Variants in TENM4 observed in about 807,000 individuals in gnomAD.
TENM4 encodes the protein teneurin transmembrane protein 4, also known as teneurin-4.
Under a neutral mutation model 243.3 loss-of-function variants are expected in TENM4, and 82 were observed. The ratio of observed to expected loss-of-function variants is 0.34; its 90% CI spans 0.28 to 0.40. The LOEUF (loss-of-function observed/expected upper bound fraction) is 0.40. Among genes scored for constraint, TENM4 ranks in the 10% least tolerant of loss-of-function variants. The pLI is 1.00. For missense variants in TENM4, 3,138 were observed against 3,673.3 expected, an observed-to-expected ratio of 0.85 and a Z score of 3.77; for synonymous variants, 1,412 against 1,456.3, an observed-to-expected ratio of 0.97 and a Z score of 0.69.
At position 78,851,274 on chromosome 11, in the gene TENM4, G is replaced by A. The variant is rs377055490; in HGVS notation, c.1681+2830C>T. 4.7e-4 allele frequency among the ~76,000 whole-genome samples: 72 copies of A among 152,266 alleles called. 1 individual carries two copies. The South Asian group carries it at 0.014, about 30-fold the overall frequency. On this transcript the variant is annotated intron_variant, in intron 12 of 33. Transcript: ENST00000278550. ...TGGTTCACTCAAGTCTGAGAAGCAC[G>A]GTATGACCTATTGGCCCTAAAATAC...
intron 6 of TENM4, among the ~76,000 whole-genome samples, chr11:79,033,798 T>C (rs989437083): frequency 2.6e-5 from 4 of 152,230 alleles, no homozygotes; most frequent in Non-Finnish European, 4.4e-5. Flanking sequence ...TTGATTTGAT[T>C]TGTGAACTTA....
chr11:79,130,128 A>G (rs1861970652), intron 4 of TENM4, among the ~76,000 whole-genome samples: 1 of 152,142 alleles, frequency 6.6e-6, no homozygotes, highest in South Asian at 2.1e-4. Flanking sequence ...TAGACCCAGA[A>G]GAGAGACAAC....
At chr11:78,699,308 G>C (rs780749585) in intron 28 of TENM4, among the ~76,000 whole-genome samples, 2 of 152,214 alleles carry the variant, frequency 1.3e-5, no homozygotes, top group African/African-American at 2.4e-5. Context: ...GAATGTAGGT[G>C]ACCCTAGCCA....
chr11:79,014,366 A>G (rs1391929427), intron 6 of TENM4, among the ~76,000 whole-genome samples: 6 of 152,216 alleles, frequency 3.9e-5, no homozygotes, highest in Non-Finnish European at 4.4e-5. Flanking sequence ...CAGGGGTAGG[A>G]GAGGCCACCG....
At chr11:78,919,846 A>T (rs61118809) in intron 6 of TENM4, among the ~76,000 whole-genome samples, 17,392 of 151,990 alleles carry the variant, frequency 0.11, 1,264 homozygotes, top group African/African-American at 0.21. Flanking sequence ...TGCCTTTCCT[A>T]GACCCTCCTC....
Position 78,712,583 on chromosome 11 carries a change from G to C in TENM4, c.3953C>G (p.Ser1318Cys). ...TVVVKDLVKN[S>C]EVVAGTGDQC... ...GTCACCTGTCCCCGCAACCACCTCA[G>C]AGTTCTTGACAAGGTCCTTCACCAC... is the stretch of plus-strand genomic sequence containing the variant. Residue 1318 changes from serine (S) to cysteine (C), a missense_variant, in exon 26 of 34, where the codon TCT becomes TGT. This residue lies in a region of TENM4 where 2,467 missense variants were observed against 3,059.1 expected (regional missense o/e 0.81). Coordinates refer to ENST00000278550, the MANE Select transcript of TENM4 (RefSeq NM_001098816.3). 1 of 1,613,954 alleles carries C rather than the reference G, an allele frequency of 6.2e-7. No individual in the cohort carries two copies. Among genetic ancestry groups the C allele is most frequent in the South Asian group, 1.1e-5 (1 of 91,076 alleles).
At chr11:79,111,739 T>G (rs944765839) in intron 4 of TENM4, among the ~76,000 whole-genome samples, 2 of 152,032 alleles carry the variant, frequency 1.3e-5, no homozygotes, top group African/African-American at 2.4e-5. Flanking sequence ...GGAGCCCACA[T>G]GCTAGTAAGA....
chr11:78,817,628 T>TA (rs1189742886), intron 12 of TENM4, among the ~76,000 whole-genome samples: 1 of 152,254 alleles, frequency 6.6e-6, no homozygotes, highest in Non-Finnish European at 1.5e-5. Flanking sequence ...AATATTCTTT[T>TA]AAAAAATTAA....
intron 1 of TENM4, among the ~76,000 whole-genome samples, chr11:79,434,256 G>A (rs1859227112): frequency 6.6e-6 from 1 of 152,316 alleles, no homozygotes. Flanking sequence ...ACTGTGAAGG[G>A]AGACTCCGTG....
At chr11:79,196,830 TGA>T (rs1313381391) in intron 3 of TENM4, among the ~76,000 whole-genome samples, 5 of 152,158 alleles carry the variant, frequency 3.3e-5, no homozygotes, top group African/African-American at 1.2e-4. Flanking sequence ...GTGACAGGCC[TGA>T]GAGCCCACCT....
chr11:78,938,201 A>G (rs1418195607), intron 6 of TENM4, among the ~76,000 whole-genome samples: 1 of 152,122 alleles, frequency 6.6e-6, no homozygotes, highest in Non-Finnish European at 1.5e-5. Context: ...TTAAATGACA[A>G]CCCCATGCTA....
chr11:79,257,318 T>C (rs1386738481), intron 2 of TENM4, among the ~76,000 whole-genome samples: 1 of 152,156 alleles, frequency 6.6e-6, no homozygotes, highest in Non-Finnish European at 1.5e-5. Flanking sequence ...CAAACCTATT[T>C]AGAAGTAGAG....
intron 19 of TENM4, among the ~76,000 whole-genome samples, chr11:78,747,921 G>C (rs1434532017): frequency 2.6e-5 from 4 of 152,194 alleles, no homozygotes; most frequent in Non-Finnish European, 5.9e-5. Flanking sequence ...TGGGACTCCA[G>C]GTTCTCTGGG....
intron 18 of TENM4, among the ~76,000 whole-genome samples, chr11:78,759,845 G>A (rs1565367175): frequency 6.6e-6 from 1 of 152,202 alleles, no homozygotes; most frequent in Non-Finnish European, 1.5e-5. Flanking sequence ...TAAAGGTCAT[G>A]TAGTCAGTGA....
At chr11:78,893,720 C>A (rs1433880927) in intron 7 of TENM4, among the ~76,000 whole-genome samples, 3 of 151,874 alleles carry the variant, frequency 2.0e-5, no homozygotes, top group Non-Finnish European at 1.5e-5. Context: ...TAAAATAGCT[C>A]CCAGCCCACT....
At chr11:78,702,955 C>T (rs1859145326) in intron 27 of TENM4, among the ~76,000 whole-genome samples, 1 of 152,138 alleles carries the variant, frequency 6.6e-6, no homozygotes, top group African/African-American at 2.4e-5. Flanking sequence ...TTTCTCAATT[C>T]TTTGAGTTCA....
At chr11:78,748,437 A>G (rs959670430) in intron 19 of TENM4, among the ~76,000 whole-genome samples, 2 of 152,222 alleles carry the variant, frequency 1.3e-5, no homozygotes, top group Non-Finnish European at 1.5e-5. Context: ...CTTACTGCAC[A>G]TGGGTTTTTT....
chr11:78,943,233 G>T (rs1468122162), intron 6 of TENM4, among the ~76,000 whole-genome samples: 4 of 152,256 alleles, frequency 2.6e-5, no homozygotes, highest in Admixed American at 6.5e-5. Context: ...GGAAGGGGGA[G>T]ATTTCACACC....
intron 6 of TENM4, among the ~76,000 whole-genome samples, chr11:78,925,255 G>A (rs562522952): frequency 2.0e-5 from 3 of 151,960 alleles, no homozygotes; most frequent in South Asian, 4.2e-4. Context: ...TAATTCACTG[G>A]TGATGGGAAA....
Sources: allele counts gnomAD v4.1 joint callset (sites outside exome capture counted in the v4.1 genomes callset), GRCh38; gene constraint gnomAD v4.1.1; regional missense constraint gnomAD v4.1.1; transcripts MANE v1.5; gene names NCBI Gene and HGNC (gene_info 2026-07-23, HGNC 2026-07-21).